Variants in PTPN3 observed in about 807,000 individuals in gnomAD.
PTPN3 encodes tyrosine-protein phosphatase non-receptor type 3.
PTPN3 carries 96 observed loss-of-function variants against 132.7 expected under a neutral mutation model. The observed-to-expected ratio is 0.72, with a 90% confidence interval of 0.61 to 0.86. PTPN3 has a LOEUF of 0.86. PTPN3 is among the 40% of genes least tolerant of loss of function. The probability of loss-of-function intolerance (pLI) is 0.00; values close to 1 mark genes in which losing one functional copy is unlikely to be tolerated. For missense variants in PTPN3, 1,125 were observed against 1,159.6 expected, an observed-to-expected ratio of 0.97 and a Z score of 0.43; for synonymous variants, 398 against 429.0, an observed-to-expected ratio of 0.93 and a Z score of 0.89.
chr9:109,376,147 C>T lies in PTPN3; in HGVS notation c.*3409G>A, dbSNP rs1838540612. ...TTTGATTCTCTGGAATATCAGCCTC[C>T]CAGAATGGCAAATCTTGACCTCATC... is the stretch of plus-strand genomic sequence containing the variant. On this transcript the variant is annotated 3_prime_UTR_variant, in exon 26 of 26. Transcript: ENST00000374541. 6.6e-6 allele frequency: 1 copy of T among 152,176 alleles called. No individual in the cohort carries two copies. The highest frequency in any genetic ancestry group is 2.4e-5 in the African/African-American group (1 of 41,434). The allele number at this position is 152,176 out of a possible 1,614,324, so 9.4% of individuals were successfully genotyped here.
intron 17 of PTPN3, among the ~76,000 whole-genome samples, 154 bp from the exon 18 acceptor site, chr9:109,406,772 ACTG>A (rs1158423528): frequency 6.6e-6 from 1 of 152,158 alleles, no homozygotes; most frequent in African/African-American, 2.4e-5. Flanking sequence ...TAATGCATCC[ACTG>A]CTATGTGGAC....
Position 109,438,181 on chromosome 9 carries a change from T to C in PTPN3, c.520A>G (p.Ser174Gly), listed in dbSNP as rs772943029. 15 of 1,613,500 alleles carry C rather than the reference T, an allele frequency of 9.3e-6. No homozygotes were observed. In the South Asian group the frequency reaches 1.5e-4, roughly 17 times the overall value. Reference protein sequence around the residue: ...SIHHPGYLSDSHFIPDQNEDF... With the variant: ...SIHHPGYLSDGHFIPDQNEDF... The stretch of plus-strand genomic sequence containing the variant: ...TCATTTTGATCGGGTATAAAGTGAC[T>C]ATCGGAAAGATAGCCTGGATGATGT... The change falls in exon 8 of 26, where the codon AGT becomes GGT. Residue 174 changes from serine to glycine, a missense_variant. Ser to Gly is a moderately conservative substitution (Grantham distance 56, BLOSUM62 0). Transcript: ENST00000374541.
chr9:109,441,834 T>C (rs1844496516), intron 7 of PTPN3, among the ~76,000 whole-genome samples: 1 of 151,852 alleles, frequency 6.6e-6, no homozygotes, highest in South Asian at 2.1e-4. Context: ...CTCTAATTCC[T>C]GGGGTCAAGC....
chr9:109,491,642 C>T (rs1847466495), intron 1 of PTPN3, among the ~76,000 whole-genome samples: 1 of 152,148 alleles, frequency 6.6e-6, no homozygotes, highest in South Asian at 2.1e-4. Flanking sequence ...AAAATTGCCA[C>T]TAGGAAAAGT....
At chr9:109,534,281 G>T in the PTPN3 span, 7 of 1,540,712 alleles carry the variant, frequency 4.5e-6, no homozygotes, top group South Asian at 1.1e-5. Flanking sequence ...AGGGCGGGGG[G>T]CGGCGAGCGG....
At chr9:109,447,946 G>A (rs1218204854) in intron 6 of PTPN3, among the ~76,000 whole-genome samples, 1 of 152,074 alleles carries the variant, frequency 6.6e-6, no homozygotes, top group East Asian at 1.9e-4. Flanking sequence ...ACTGTCGGGG[G>A]TGGGGTGTCT....
At chr9:109,485,690 G>A (rs1019472170) in intron 1 of PTPN3, among the ~76,000 whole-genome samples, 3 of 151,988 alleles carry the variant, frequency 2.0e-5, no homozygotes, top group Admixed American at 6.6e-5. Context: ...CTCCTCCTAC[G>A]GAAACCAGAC....
the PTPN3 span, among the ~76,000 whole-genome samples, chr9:109,506,410 A>G: frequency 2.0e-5 from 3 of 152,178 alleles, no homozygotes; most frequent in Non-Finnish European, 4.4e-5. Context: ...GGAAGTTTAC[A>G]TAAACCTTTT....
intron 5 of PTPN3, among the ~76,000 whole-genome samples, chr9:109,453,164 T>C (rs1336601597): frequency 6.6e-6 from 1 of 152,044 alleles, no homozygotes; most frequent in Non-Finnish European, 1.5e-5. Flanking sequence ...AGGGAGGAGG[T>C]GCACAAAGAA....
chr9:109,381,733 T>A lies in PTPN3; in HGVS notation c.2583A>T (p.Leu861=). The part of the protein sequence containing the change: ...VLVTMETAMC[L]TERNLPIYPL... ...GGTAAATGGGCAGGTTCCTCTCAGT[T>A]AGGCACATGGCTGTTTCCATAGTGA... Residue 861 remains leucine (L), a synonymous_variant, in exon 25 of 26, where the codon CTA becomes CTT. Coordinates refer to ENST00000374541, the MANE Select transcript of PTPN3 (RefSeq NM_002829.4). The A allele has an allele frequency of 6.2e-7, 1 of 1,614,228 alleles. No homozygotes were observed. The highest frequency in any genetic ancestry group is 1.1e-5 in the South Asian group (1 of 91,088).
intron 2 of PTPN3, 124 bp downstream of exon 2, chr9:109,463,173 A>G (rs913392975): frequency 9.6e-7 from 1 of 1,045,534 alleles, no homozygotes; most frequent in Non-Finnish European, 1.3e-6. Flanking sequence ...TCAACATACA[A>G]GATCTGAGAT....
intron 9 of PTPN3, among the ~76,000 whole-genome samples, chr9:109,434,211 G>A (rs865957554): frequency 6.6e-6 from 1 of 152,210 alleles, no homozygotes; most frequent in African/African-American, 2.4e-5. Flanking sequence ...TGGTGCACAC[G>A]TGGCTCACTG....
rs1564437129 is a variant in PTPN3 at position 109,433,919 on chromosome 9, A to ATT, written c.676-759_676-758insAA. On this transcript the variant is annotated intron_variant, in intron 9 of 25. Coordinates refer to ENST00000374541, the MANE Select transcript of PTPN3 (RefSeq NM_002829.4). ...GGCAGCAGAGGGAGACTCTGTTTAAAAAAAAAAAAAAAAAAAAAAAAAAAG... is the reference window on the plus strand; with the variant it reads ...GGCAGCAGAGGGAGACTCTGTTTAAATTAAAAAAAAAAAAAAAAAAAAAAAAG... Among the ~76,000 whole-genome samples, 236 of 59,820 alleles carry ATT rather than the reference A, an allele frequency of 3.9e-3. 12 individuals are homozygous for ATT. The highest frequency in any genetic ancestry group is 0.014 in the African/African-American group (121 of 8,510). The allele number at this position is 59,820 out of a possible 152,430, so 39.2% of individuals were successfully genotyped here.
At chr9:109,532,943 G>GT in the PTPN3 span, 2 of 598,812 alleles carry the variant, frequency 3.3e-6, no homozygotes, top group Non-Finnish European at 4.5e-6. Context: ...TTCTTTTCTG[G>GT]GTTTTTTTTT....
upstream of PTPN3, among the ~76,000 whole-genome samples, chr9:109,503,151 A>G (rs958338234): frequency 1.3e-5 from 2 of 152,170 alleles, no homozygotes; most frequent in East Asian, 3.8e-4. Context: ...GAATTGCTCA[A>G]AAAAAAGTGA....
intron 9 of PTPN3, among the ~76,000 whole-genome samples, chr9:109,434,396 C>T (rs1480138496): frequency 6.8e-6 from 1 of 147,192 alleles, no homozygotes; most frequent in Non-Finnish European, 1.5e-5. Context: ...GCAGCCTCAA[C>T]CTCCTGGGCT....
At chr9:109,392,017 C>A (rs1473596042) in intron 19 of PTPN3, among the ~76,000 whole-genome samples, 1 of 152,100 alleles carries the variant, frequency 6.6e-6, no homozygotes, top group Non-Finnish European at 1.5e-5. Context: ...GAGTCTATTT[C>A]CACAGGAAAA....
In PTPN3 at chr9:109,455,722, T is replaced by C. The variant is rs374317208; in HGVS notation, c.290-1148A>G. Among the ~76,000 whole-genome samples, 429 of 152,328 alleles carry C rather than the reference T, an allele frequency of 2.8e-3. 5 individuals carry two copies. The highest frequency in any genetic ancestry group is 9.6e-3 in the African/African-American group (400 of 41,572). ...CTGCGCTGCAGGCATAGCCTCTTTT[T>C]CTTTCTGGCTGTCCCCTATCGTGTG... On this transcript the variant is annotated intron_variant, in intron 4 of 25. Transcript: ENST00000374541.
chr9:109,436,019 T>A (rs1844024070), intron 9 of PTPN3, among the ~76,000 whole-genome samples: 1 of 152,230 alleles, frequency 6.6e-6, no homozygotes, highest in South Asian at 2.1e-4. Context: ...CTCGGTTTTC[T>A]CATCTATAAA....
Sources: allele counts gnomAD v4.1 joint callset (sites outside exome capture counted in the v4.1 genomes callset), GRCh38; gene constraint gnomAD v4.1.1; transcripts MANE v1.5; gene names NCBI Gene and HGNC (gene_info 2026-07-23, HGNC 2026-07-21).